The following BCAR3 variants were observed in gnomAD, a reference collection of about 807,000 sequenced individuals.
BCAR3 encodes the protein breast cancer anti-estrogen resistance protein 3.
A neutral mutation model predicts 80.1 loss-of-function variants in BCAR3; 37 were observed. That is an observed-to-expected ratio of 0.46 (90% CI 0.36 to 0.61). The LOEUF is 0.61. BCAR3 is among the 20% of genes least tolerant of loss of function. The pLI, the probability that BCAR3 is intolerant of heterozygous loss-of-function variation, is 0.00. For missense variants in BCAR3, 978 were observed against 1,068.2 expected, an observed-to-expected ratio of 0.92 and a Z score of 1.18; for synonymous variants, 389 against 418.9, an observed-to-expected ratio of 0.93 and a Z score of 0.87.
At chr1:93,635,804 G>A (rs893625216) in intron 3 of BCAR3, among the ~76,000 whole-genome samples, 9 of 152,198 alleles carry the variant, frequency 5.9e-5, no homozygotes, top group East Asian at 5.8e-4. Context: ...AATGTACAGC[G>A]TGCCATTGTT....
At chr1:93,688,948 T>C (rs527568184) in intron 3 of BCAR3, among the ~76,000 whole-genome samples, 9 of 152,310 alleles carry the variant, frequency 5.9e-5, no homozygotes, top group South Asian at 2.1e-4. Context: ...GCATATATTA[T>C]TTTTATCATG....
chr1:93,646,154 CT>C (rs2101914279), intron 2 of BCAR3, among the ~76,000 whole-genome samples: 1 of 152,188 alleles, frequency 6.6e-6, no homozygotes, highest in South Asian at 2.1e-4. Context: ...TAGTCAAATG[CT>C]TTTAGACATA....
rs149274508 is a variant in BCAR3 at position 93,698,171 on chromosome 1, G to A, written c.-12+7921C>T. On this transcript the variant is annotated intron_variant, in intron 3 of 13. Transcript: ENST00000370244. ...AGTCCTGACCACTGAAGCAGAGCAT[G>A]GGAAGCAGGACAAGGCAGCTCAGCC... Among the ~76,000 whole-genome samples the A allele has an allele frequency of 3.4e-3, 522 of 152,296 alleles. 2 individuals are homozygous for A. Among genetic ancestry groups the A allele is most frequent in the Non-Finnish European group, 5.8e-3 (397 of 68,022 alleles).
chr1:93,571,512 T>A (rs1673215204), intron 9 of BCAR3, 158 bp downstream of exon 9: 4 of 898,842 alleles, frequency 4.5e-6, no homozygotes, highest in Non-Finnish European at 6.6e-6. Context: ...AAAAAAAAAG[T>A]AGACCCCAAA....
chr1:93,804,957 G>A (rs1248442120), intron 2 of BCAR3, among the ~76,000 whole-genome samples: 1 of 152,146 alleles, frequency 6.6e-6, no homozygotes, highest in Non-Finnish European at 1.5e-5. Context: ...GTAAATGCAT[G>A]TTTAATTTAT....
At chr1:93,830,358 C>G (rs766962034) in intron 2 of BCAR3, among the ~76,000 whole-genome samples, 29 of 152,138 alleles carry the variant, frequency 1.9e-4, no homozygotes, top group Admixed American at 3.3e-4. Context: ...TGAGCCCAAG[C>G]CTGCATGTAT....
At chr1:93,848,028 G>C (rs1218003458), upstream of BCAR3, 3 of 160,400 alleles carry the variant, frequency 1.9e-5, no homozygotes, top group Admixed American at 2.0e-4. Flanking sequence ...GCGGGACTGT[G>C]GTTGCGAGGG....
intron 2 of BCAR3, among the ~76,000 whole-genome samples, chr1:93,649,497 T>C (rs1393549721): frequency 6.8e-6 from 1 of 147,044 alleles, no homozygotes; most frequent in African/African-American, 2.5e-5. Context: ...CATGCCTCTC[T>C]AGAGAAAGGG....
intron 2 of BCAR3, among the ~76,000 whole-genome samples, chr1:93,666,006 C>A (rs1355292602): frequency 6.6e-6 from 1 of 152,150 alleles, no homozygotes; most frequent in African/African-American, 2.4e-5. Flanking sequence ...CCTCTACCAC[C>A]ACGCTAGTGC....
intron 2 of BCAR3, among the ~76,000 whole-genome samples, chr1:93,836,937 ACT>A (rs1483192810): frequency 1.3e-5 from 2 of 151,756 alleles, no homozygotes; most frequent in Non-Finnish European, 2.9e-5. Context: ...GTAATTTTCC[ACT>A]ACCCACCCAA....
rs746582573 is a variant in BCAR3 at position 93,674,924 on chromosome 1, C to T, written c.7G>A (p.Ala3Thr). The T allele has an allele frequency of 2.6e-6, 4 of 1,553,188 alleles. No homozygotes were observed. Among genetic ancestry groups the T allele is most frequent in the African/African-American group, 2.8e-5 (2 of 72,180 alleles). MA[A>T]GKFASLPRNM... ...CTGGGAAGGCTTGCAAATTTTCCTG[C>T]AGCCATAATTCTCAACTCTAAGGGG... is the stretch of plus-strand genomic sequence containing the variant. The change falls in exon 2 of 12, where the codon GCA becomes ACA. Residue 3 changes from alanine (A) to threonine (T), a missense_variant. Transcript: ENST00000260502.
intron 3 of BCAR3, among the ~76,000 whole-genome samples, chr1:93,705,615 T>A (rs906569357): frequency 6.6e-6 from 1 of 152,228 alleles, no homozygotes; most frequent in Admixed American, 6.5e-5. Flanking sequence ...GGGATACAAG[T>A]CAAGGTCACA....
At chr1:93,764,239 C>T (rs960000564) in intron 2 of BCAR3, among the ~76,000 whole-genome samples, 4 of 152,048 alleles carry the variant, frequency 2.6e-5, no homozygotes, top group Non-Finnish European at 4.4e-5. Flanking sequence ...AATCCTCCCA[C>T]ACTTCCAGGG....
rs181781346 is a variant in BCAR3 at position 93,710,168 on chromosome 1, G to A, written c.-62-4026C>T. On this transcript the variant is annotated intron_variant, in intron 2 of 13. Coordinates refer to the BCAR3 transcript ENST00000370244. ...ATAGGGGGTGGGAAGCTGGGAAGCT[G>A]GGAACCAAGAAAGGCTGATCAAGAA... Among the ~76,000 whole-genome samples the A allele has an allele frequency of 4.7e-4, 72 of 152,300 alleles. No homozygotes were observed. The East Asian group carries it at 0.013, about 28-fold the overall frequency.
intron 2 of BCAR3, among the ~76,000 whole-genome samples, chr1:93,827,198 C>A (rs1654402409): frequency 6.6e-6 from 1 of 152,062 alleles, no homozygotes; most frequent in South Asian, 2.1e-4. Flanking sequence ...ACAAAAGCAC[C>A]TCTACAGGCC....
chr1:93,845,317 G>A (rs1655111108), intron 2 of BCAR3, among the ~76,000 whole-genome samples: 1 of 151,386 alleles, frequency 6.6e-6, no homozygotes, highest in African/African-American at 2.4e-5. Flanking sequence ...ACCAGTGCCT[G>A]GCATATTTCA....
chr1:93,810,290 A>C (rs1348899027), intron 2 of BCAR3, among the ~76,000 whole-genome samples: 2 of 152,010 alleles, frequency 1.3e-5, no homozygotes, highest in African/African-American at 2.4e-5. Flanking sequence ...AAATATACGC[A>C]TCTTCCATAG....
At chr1:93,622,664 T>C (rs1176193413) in intron 3 of BCAR3, among the ~76,000 whole-genome samples, 1 of 152,116 alleles carries the variant, frequency 6.6e-6, no homozygotes, top group African/African-American at 2.4e-5. Context: ...CCTTCCTCTA[T>C]AGGAAGAGGC....
chr1:93,592,073 T>C lies in BCAR3; in HGVS notation c.486+192A>G. 7 of 718,828 alleles carry C rather than the reference T, an allele frequency of 9.7e-6. No individual in the cohort carries two copies. The highest frequency in any genetic ancestry group is 1.5e-5 in the Non-Finnish European group (7 of 463,052). 44.5% of individuals were successfully genotyped at this position (718,828 alleles called of 1,614,324 possible). On this transcript the variant is annotated intron_variant, in intron 4 of 11. Coordinates refer to ENST00000260502, the MANE Select transcript of BCAR3 (RefSeq NM_003567.4). The surrounding 1 kb of genome is among the most constrained non-coding windows in gnomAD (Gnocchi z 4.8). Reference sequence around the variant, plus strand: ...TTCCTGAACATGTGGATGTGTGCTTTGGGTTCTTGACCTCAGCTCTTCCCA... The same window carrying C: ...TTCCTGAACATGTGGATGTGTGCTTCGGGTTCTTGACCTCAGCTCTTCCCA...
Sources: gnomAD v4.1 joint callset for allele counts (sites outside exome capture counted in the v4.1 genomes callset) on GRCh38, gnomAD v4.1.1 for gene constraint, Gnocchi (gnomAD v3.1) non-coding constraint, MANE v1.5 for transcripts, NCBI Gene and HGNC (gene_info 2026-07-23, HGNC 2026-07-21) for gene names.